RYR2: variants seen among roughly 807,000 people sequenced by gnomAD.
The protein encoded by RYR2 is cardiac muscle ryanodine receptor-calcium release channel.
A neutral mutation model predicts 601.1 loss-of-function variants in RYR2; 227 were observed. That is an observed-to-expected ratio of 0.38 (90% CI 0.34 to 0.42). RYR2 has a LOEUF of 0.42. RYR2 is among the 10% of genes least tolerant of loss of function. The pLI is 1.00. For missense variants in RYR2, 4,646 were observed against 6,156.5 expected, an observed-to-expected ratio of 0.75 and a Z score of 8.21; for synonymous variants, 2,223 against 2,175.1, an observed-to-expected ratio of 1.02 and a Z score of -0.61.
At chr1:237,350,571 C>CAAAAAAAA (rs1167546068) in intron 3 of RYR2, among the ~76,000 whole-genome samples, 2 of 26,964 alleles carry the variant, frequency 7.4e-5, no homozygotes, top group Non-Finnish European at 1.4e-4. Flanking sequence ...GACTCTGTCT[C>CAAAAAAAA]AAAAAAAAAA....
intron 2 of RYR2, among the ~76,000 whole-genome samples, chr1:237,300,712 G>A (rs1693263180): frequency 6.6e-6 from 1 of 152,156 alleles, no homozygotes; most frequent in South Asian, 2.1e-4. Context: ...GATGCAGATA[G>A]TGATGATGAT....
chr1:237,134,087 G>A (rs914020534), intron 1 of RYR2, among the ~76,000 whole-genome samples: 1 of 152,140 alleles, frequency 6.6e-6, no homozygotes, highest in Non-Finnish European at 1.5e-5. Context: ...ATTCACCGCT[G>A]ATCTGACTGA....
intron 52 of RYR2, 45 bp downstream of exon 52, chr1:237,654,459 T>C: frequency 1.9e-6 from 3 of 1,586,552 alleles, no homozygotes; most frequent in Non-Finnish European, 2.6e-6. Flanking sequence ...TAAAATGGTA[T>C]AGAGCCACAC....
At chr1:237,428,763 A>C (rs1417653677) in intron 12 of RYR2, among the ~76,000 whole-genome samples, 2 of 152,118 alleles carry the variant, frequency 1.3e-5, no homozygotes, top group African/African-American at 4.8e-5. Flanking sequence ...ACATTAAAAA[A>C]AAAAAAATAC....
intron 1 of RYR2, among the ~76,000 whole-genome samples, chr1:237,177,661 A>G (rs1043559467): frequency 6.6e-6 from 1 of 152,200 alleles, no homozygotes; most frequent in African/African-American, 2.4e-5. Flanking sequence ...ACAGCACTCT[A>G]TTTTGTAAAT....
intron 78 of RYR2, among the ~76,000 whole-genome samples, chr1:237,733,296 G>T (rs571281525): frequency 1.9e-4 from 29 of 152,186 alleles, no homozygotes; most frequent in Non-Finnish European, 3.2e-4. Flanking sequence ...TGGCCATCTT[G>T]TTTTTTAATT....
At chr1:237,647,163 G>A (rs977251896) in intron 48 of RYR2, among the ~76,000 whole-genome samples, 2 of 152,114 alleles carry the variant, frequency 1.3e-5, no homozygotes, top group African/African-American at 4.8e-5. Flanking sequence ...ATACTGATTT[G>A]ACACTAAGGT....
At chr1:237,672,850 T>G (rs755777557) in intron 58 of RYR2, among the ~76,000 whole-genome samples, 1 of 152,158 alleles carries the variant, frequency 6.6e-6, no homozygotes, top group African/African-American at 2.4e-5. Flanking sequence ...AATTCCTTAT[T>G]ATGGTTAGTA....
intron 1 of RYR2, 52 bp downstream of exon 1, chr1:237,042,621 C>T: frequency 8.0e-7 from 1 of 1,247,578 alleles, no homozygotes; most frequent in East Asian, 3.2e-5. Flanking sequence ...GTCAGGGCAT[C>T]CACTAGCGGG....
intron 1 of RYR2, among the ~76,000 whole-genome samples, chr1:237,148,527 A>AAAT (rs1553316812): frequency 2.0e-4 from 17 of 83,920 alleles, no homozygotes; most frequent in African/African-American, 7.3e-4. Flanking sequence ...AAAAAAAAAA[A>AAAT]ATATATATAT....
intron 62 of RYR2, among the ~76,000 whole-genome samples, chr1:237,682,033 A>G (rs940649136): frequency 6.6e-6 from 1 of 152,182 alleles, no homozygotes; most frequent in Non-Finnish European, 1.5e-5. Context: ...CAAATAAATC[A>G]ATGCAAATTC....
rs1679852042 is a variant in RYR2, at chr1:237,627,913, G to A, written c.6273G>A (p.Gln2091=). The change falls in exon 41 of 105, where the codon CAG becomes CAA. Residue 2091 remains glutamine, a synonymous_variant. Coordinates refer to ENST00000366574, the MANE Select transcript of RYR2 (RefSeq NM_001035.3). Reference sequence around the variant, plus strand: ...CCATGTTTGTGTTGCTCCATCGGCAGTATGACGGCATTGGGGGTCTTGTTC... The same window carrying A: ...CCATGTTTGTGTTGCTCCATCGGCAATATGACGGCATTGGGGGTCTTGTTC... ...VRAMFVLLHR[Q]YDGIGGLVRA... is the part of the protein sequence containing the mutation. The A allele has an allele frequency of 1.9e-6, 3 of 1,613,914 alleles. No homozygotes were observed. The highest frequency in any genetic ancestry group is 2.5e-6 in the Non-Finnish European group (3 of 1,179,878).
chr1:237,580,034 T>C (rs1232662935), intron 29 of RYR2, among the ~76,000 whole-genome samples: 1 of 152,158 alleles, frequency 6.6e-6, no homozygotes, highest in Non-Finnish European at 1.5e-5. Context: ...ATGTGAAGCG[T>C]GTGCTTGTCT....
At chr1:237,828,522 T>A in intron 102 of RYR2, 77 bp downstream of exon 102, 1 of 953,172 alleles carries the variant, frequency 1.0e-6, no homozygotes, top group Non-Finnish European at 1.6e-6. Flanking sequence ...ATCAATAGAA[T>A]CATGAATGTG....
chr1:237,691,900 A>G (rs1686976824), intron 63 of RYR2, among the ~76,000 whole-genome samples: 1 of 152,184 alleles, frequency 6.6e-6, no homozygotes, highest in Non-Finnish European at 1.5e-5. Context: ...ATCATTTGCC[A>G]TTTTCAAGGA....
At position 237,809,137 on chromosome 1, in the gene RYR2, G is replaced by A. The variant is rs1660985010; in HGVS notation, c.14433+102G>A. 5 of 1,104,538 alleles carry A rather than the reference G, an allele frequency of 4.5e-6. No homozygotes were observed. The South Asian group carries it at 7.0e-5, about 15-fold the overall frequency. The allele number at this position is 1,104,538 out of a possible 1,614,324, so 68.4% of individuals were successfully genotyped here. ...CTCTAACAGTACAAAATAGAAAATA[G>A]TCTAAACAAATAAAAAGTTGCAGGG... On this transcript the variant is annotated intron_variant, in intron 100 of 104. Transcript: ENST00000366574.
intron 1 of RYR2, among the ~76,000 whole-genome samples, chr1:237,102,489 G>A (rs916620295): frequency 4.6e-5 from 7 of 152,112 alleles, no homozygotes; most frequent in African/African-American, 1.7e-4. Flanking sequence ...GTGGGAGCCC[G>A]GGAATCAGGA....
intron 100 of RYR2, among the ~76,000 whole-genome samples, chr1:237,815,972 G>A (rs1661776854): frequency 6.6e-6 from 1 of 152,138 alleles, no homozygotes; most frequent in South Asian, 2.1e-4. Context: ...TGGTCAGCAG[G>A]AATCACCAAG....
At chr1:237,127,440 G>C (rs1438565088) in intron 1 of RYR2, among the ~76,000 whole-genome samples, 7 of 150,656 alleles carry the variant, frequency 4.6e-5, no homozygotes, top group Non-Finnish European at 7.4e-5. Context: ...CCTCCCAGAA[G>C]GGGGCGGCTG....
Sources: gnomAD v4.1 joint callset for allele counts (sites outside exome capture counted in the v4.1 genomes callset) on GRCh38, gnomAD v4.1.1 for gene constraint, MANE v1.5 for transcripts, NCBI Gene and HGNC (gene_info 2026-07-23, HGNC 2026-07-21) for gene names.